Variants in LAMB1 observed in about 807,000 individuals in gnomAD.
The protein encoded by LAMB1 is laminin subunit beta 1.
A neutral mutation model predicts 222.3 loss-of-function variants in LAMB1; 121 were observed. That is an observed-to-expected ratio of 0.54 (90% CI 0.47 to 0.63). LAMB1 has a LOEUF of 0.63. Ranked by LOEUF, LAMB1 falls within the 30% of genes least tolerant of loss-of-function variation. The probability of loss-of-function intolerance (pLI) is 0.00; values close to 1 mark genes in which losing one functional copy is unlikely to be tolerated. For synonymous variants in LAMB1, 794 were observed against 807.2 expected (o/e 0.98, Z 0.28); for missense variants, 2,172 against 2,240.8 (o/e 0.97, Z 0.62).
At chr7:107,960,830 T>A (rs1249761138) in intron 17 of LAMB1, among the ~76,000 whole-genome samples, 181 bp from the exon 18 acceptor site, 2 of 152,234 alleles carry the variant, frequency 1.3e-5, no homozygotes, top group South Asian at 4.1e-4. Context: ...ATTTTAGATA[T>A]GTTTTACACA....
Position 107,926,179 on chromosome 7 carries a change from G to T in LAMB1, c.5064+4C>A. 2.5e-6 allele frequency: 4 copies of T among 1,609,300 alleles called. No individual in the cohort carries two copies. Among genetic ancestry groups the T allele is most frequent in the South Asian group, 1.1e-5 (1 of 90,814 alleles). ...TAGCTCTGAAATTACAAAGATTTAC[G>T]TACCTTCTTAACATCTTCTGCACTT... On this transcript the variant is annotated splice_donor_region_variant and intron_variant, in intron 32 of 33. Coordinates refer to ENST00000222399, the MANE Select transcript of LAMB1 (RefSeq NM_002291.3).
At chr7:107,992,277 C>T (rs1301080104) in intron 5 of LAMB1, among the ~76,000 whole-genome samples, 1 of 152,196 alleles carries the variant, frequency 6.6e-6, no homozygotes, top group Non-Finnish European at 1.5e-5. Context: ...TCACCCTCCT[C>T]CAGGCTAACA....
At chr7:107,985,454 G>A (rs1457001920) in intron 7 of LAMB1, among the ~76,000 whole-genome samples, 10 of 151,658 alleles carry the variant, frequency 6.6e-5, no homozygotes, top group East Asian at 1.9e-4. Flanking sequence ...GTGAAAACCC[G>A]TCTCTACTAA....
rs369352548 is a variant in LAMB1 at position 107,937,335 on chromosome 7, G to A, written c.3762-58C>T. The A allele has an allele frequency of 1.2e-5, 17 of 1,412,860 alleles. No homozygotes were observed. In the East Asian group the frequency reaches 1.6e-4, roughly 13 times the overall value. 87.5% of individuals were successfully genotyped at this position (1,412,860 alleles called of 1,614,324 possible). A position where few individuals can be genotyped will look rare whatever the true frequency, so the allele number is the denominator to read the frequency against. On this transcript the variant is annotated intron_variant, in intron 25 of 33. Transcript: ENST00000222399. ...AATAAACCCAAGGGAGAACTTTCAC[G>A]TTTCATATTTTCTACTAGTACTGTA...
At chr7:107,940,472 C>T (rs1450078485) in intron 24 of LAMB1, 114 bp from the exon 25 acceptor site, 1 of 1,127,600 alleles carries the variant, frequency 8.9e-7, no homozygotes, top group South Asian at 1.5e-5. Flanking sequence ...CAACCATCGA[C>T]AACAATTGAC....
chr7:107,989,868 G>A (rs1294301715), intron 5 of LAMB1, among the ~76,000 whole-genome samples: 1 of 152,130 alleles, frequency 6.6e-6, no homozygotes, highest in East Asian at 1.9e-4. Flanking sequence ...CCAATTTCCC[G>A]TGGAGTTAAG....
chr7:107,990,018 G>A (rs995010262), intron 5 of LAMB1, among the ~76,000 whole-genome samples: 4 of 121,042 alleles, frequency 3.3e-5, no homozygotes, highest in Non-Finnish European at 7.7e-5. Flanking sequence ...AGACCTATGA[G>A]TTTTTTGTGT....
rs760178070 is a variant in LAMB1, at chr7:107,975,275, C to A, written c.1328G>T (p.Gly443Val). 10 of 1,613,894 alleles carry A rather than the reference C, an allele frequency of 6.2e-6. 1 individual carries two copies. Among genetic ancestry groups the A allele is most frequent in the African/African-American group, 1.3e-5 (1 of 74,916 alleles). Residue 443 changes from glycine to valine, a missense_variant, in exon 11 of 34, where the codon GGC (glycine) becomes GTC (valine). By Grantham distance (109) the Gly-to-Val change is moderately radical. Transcript: ENST00000222399. Reference protein sequence around the residue: ...EGEHCDVCKEGFYDLSSEDPF... With the variant: ...EGEHCDVCKEVFYDLSSEDPF... ...ATCTTCACTGCTTAAATCATAGAAG[C>A]CTTCTTTGCAAACATCACAATGTTC... is the stretch of plus-strand genomic sequence containing the variant.
intron 4 of LAMB1, among the ~76,000 whole-genome samples, chr7:107,996,808 C>G (rs914051164): frequency 2.0e-5 from 3 of 152,212 alleles, no homozygotes; most frequent in Non-Finnish European, 4.4e-5. Context: ...AAAATGGGGA[C>G]AGTCTCCATC....
intron 4 of LAMB1, 96 bp downstream of exon 4, chr7:107,998,261 G>A (rs2150455818): frequency 4.9e-6 from 6 of 1,232,958 alleles, no homozygotes; most frequent in Non-Finnish European, 5.8e-6. Flanking sequence ...ACAGGACAGA[G>A]AAGTGAATCA....
intron 5 of LAMB1, among the ~76,000 whole-genome samples, chr7:107,988,284 T>C (rs1029926566): frequency 1.3e-5 from 2 of 152,184 alleles, no homozygotes; most frequent in African/African-American, 4.8e-5. Flanking sequence ...CATTTGGTTG[T>C]AGGCTAATTA....
chr7:107,989,165 G>C (rs1415210338), intron 5 of LAMB1, among the ~76,000 whole-genome samples: 2 of 152,198 alleles, frequency 1.3e-5, no homozygotes, highest in African/African-American at 2.4e-5. Flanking sequence ...AGATTTAGGA[G>C]GGTGTAGTGA....
At chr7:107,947,983 C>CTTTTTTTTT (rs10630521) in intron 24 of LAMB1, among the ~76,000 whole-genome samples, 15 of 117,248 alleles carry the variant, frequency 1.3e-4, no homozygotes, top group African/African-American at 3.7e-4. Context: ...TCTTCTTCTT[C>CTTTTTTTTT]TTTTTTTTTT....
At chr7:107,953,177 T>G (rs2033295890) in intron 22 of LAMB1, among the ~76,000 whole-genome samples, 1 of 152,064 alleles carries the variant, frequency 6.6e-6, no homozygotes, top group Admixed American at 6.6e-5. Flanking sequence ...ACCAACATGG[T>G]GAAACCCCGT....
chr7:107,959,761 G>C lies in LAMB1; in HGVS notation c.2388C>G (p.Pro796=). ...TGTTGCAGGTTCTTCCAACCACGTT[G>C]GGCCGGCACTGGCACTGGCCTCCGT... ...DPNGGQCQCR[P]NVVGRTCNRC... is the part of the protein sequence containing the mutation. Residue 796 remains proline, a synonymous_variant, in exon 19 of 34, where the codon CCC becomes CCG. Coordinates refer to ENST00000222399, the MANE Select transcript of LAMB1 (RefSeq NM_002291.3). 6.2e-7 allele frequency: 1 copy of C among 1,614,170 alleles called. No homozygotes were observed. The highest frequency in any genetic ancestry group is 1.3e-5 in the African/African-American group (1 of 75,052).
At chr7:107,956,078 G>C (rs1029735118) in intron 20 of LAMB1, among the ~76,000 whole-genome samples, 3 of 152,208 alleles carry the variant, frequency 2.0e-5, no homozygotes, top group Non-Finnish European at 4.4e-5. Flanking sequence ...TGTATTTTTA[G>C]TAGAGACAGG....
rs764230801 is a variant in LAMB1, at chr7:107,963,060, C to A, written c.1702G>T (p.Val568Phe). The A allele has an allele frequency of 6.8e-6, 11 of 1,606,470 alleles. 1 individual carries two copies. In the South Asian group the frequency reaches 8.9e-5, roughly 13 times the overall value. The stretch of plus-strand genomic sequence containing the variant: ...ATATATTGCCGCTCCACTATGCTAA[C>A]CCCCTGAGGGCATGGCAAACAATGG... ...EAEEANLGPG[V>F]SIVERQYIQD... is the part of the protein sequence containing the mutation. Residue 568 changes from valine (V) to phenylalanine (F), a missense_variant, in exon 15 of 34, where the codon GTT becomes TTT. Transcript: ENST00000222399.
intron 23 of LAMB1, among the ~76,000 whole-genome samples, chr7:107,951,743 C>T (rs1176082403): frequency 6.6e-6 from 1 of 152,134 alleles, no homozygotes; most frequent in Non-Finnish European, 1.5e-5. Context: ...CGCCCAGGTA[C>T]TGAAGAGAAA....
At chr7:107,946,119 T>A (rs2033110838) in intron 24 of LAMB1, among the ~76,000 whole-genome samples, 1 of 152,122 alleles carries the variant, frequency 6.6e-6, no homozygotes, top group Non-Finnish European at 1.5e-5. Context: ...ACCCTAAGAT[T>A]CAGGTAATGG....
Sources: gnomAD v4.1 joint callset for allele counts (sites outside exome capture counted in the v4.1 genomes callset) on GRCh38, gnomAD v4.1.1 for gene constraint, MANE v1.5 for transcripts, NCBI Gene and HGNC (gene_info 2026-07-23, HGNC 2026-07-21) for gene names.